Variants in PTPRD observed in about 807,000 individuals in gnomAD.
The protein encoded by PTPRD is protein tyrosine phosphatase receptor type D, also known as receptor-type tyrosine-protein phosphatase delta.
PTPRD carries 34 observed loss-of-function variants against 214.5 expected under a neutral mutation model. The observed-to-expected ratio is 0.16, with a 90% CI of 0.12 to 0.21. The LOEUF is 0.21. Ranked by LOEUF, PTPRD falls within the 10% of genes least tolerant of loss-of-function variation. PTPRD has a pLI of 1.00. For missense variants in PTPRD, 2,545 were observed against 2,398.7 expected, an observed-to-expected ratio of 1.06 and a Z score of -1.27; for synonymous variants, 1,128 against 845.7, an observed-to-expected ratio of 1.33 and a Z score of -5.79.
intron 11 of PTPRD, among the ~76,000 whole-genome samples, chr9:8,903,727 CA>C (rs1274311345): frequency 6.6e-6 from 1 of 152,112 alleles, no homozygotes; most frequent in Non-Finnish European, 1.5e-5. Context: ...GTAAAACTAA[CA>C]AACTGTTCTG....
At chr9:9,685,578 C>G (rs2097152429) in intron 7 of PTPRD, among the ~76,000 whole-genome samples, 1 of 150,930 alleles carries the variant, frequency 6.6e-6, no homozygotes, top group African/African-American at 2.4e-5. Context: ...TCTTAACAAC[C>G]AAATCAAAAT....
intron 14 of PTPRD, among the ~76,000 whole-genome samples, chr9:8,602,657 T>C (rs1233901865): frequency 1.3e-5 from 2 of 152,170 alleles, no homozygotes; most frequent in Non-Finnish European, 2.9e-5. Flanking sequence ...CTACAGACAA[T>C]CGTCAATAGA....
intron 10 of PTPRD, among the ~76,000 whole-genome samples, chr9:9,068,253 G>C (rs983058687): frequency 6.6e-6 from 1 of 152,068 alleles, no homozygotes; most frequent in African/African-American, 2.4e-5. Flanking sequence ...ACCCATTGAA[G>C]TGGACATCTG....
At chr9:10,127,382 T>C (rs899683584) in intron 3 of PTPRD, among the ~76,000 whole-genome samples, 2 of 152,240 alleles carry the variant, frequency 1.3e-5, no homozygotes, top group Non-Finnish European at 1.5e-5. Flanking sequence ...CACTTCATAA[T>C]TCTACAAATT....
chr9:9,917,694 C>T (rs548180703), intron 5 of PTPRD, among the ~76,000 whole-genome samples: 3 of 151,990 alleles, frequency 2.0e-5, no homozygotes, highest in African/African-American at 7.2e-5. Flanking sequence ...AAGTCTTAAA[C>T]AAAATACTAA....
At chr9:8,331,202 A>G (rs1011210988) in intron 44 of PTPRD, among the ~76,000 whole-genome samples, 1 of 152,018 alleles carries the variant, frequency 6.6e-6, no homozygotes, top group Non-Finnish European at 1.5e-5. Context: ...ATAGCTATTC[A>G]TGAGGTTTTC....
At position 10,470,778 on chromosome 9, in the gene PTPRD, T is replaced by C. The variant is rs2099025354; in HGVS notation, c.-599-129761A>G. On this transcript the variant is annotated intron_variant, in intron 2 of 45. Transcript: ENST00000381196. Reference sequence around the variant, plus strand: ...CTAGTAGAGAACCACTGGAATAGACTATCTTTAGTATCAGTTCTCAAAAGG... The same window carrying C: ...CTAGTAGAGAACCACTGGAATAGACCATCTTTAGTATCAGTTCTCAAAAGG... 2.0e-5 allele frequency among the ~76,000 whole-genome samples: 3 copies of C among 152,162 alleles called. No individual in the cohort carries two copies. The South Asian group carries it at 6.2e-4, about 32-fold the overall frequency.
chr9:8,329,799 G>GT (rs1363427905), intron 44 of PTPRD, among the ~76,000 whole-genome samples: 1 of 152,066 alleles, frequency 6.6e-6, no homozygotes, highest in Non-Finnish European at 1.5e-5. Context: ...TGCTGGCTTT[G>GT]TTTACACTGT....
chr9:9,639,765 T>G (rs2095877120), intron 7 of PTPRD, among the ~76,000 whole-genome samples: 1 of 152,226 alleles, frequency 6.6e-6, no homozygotes, highest in Non-Finnish European at 1.5e-5. Flanking sequence ...TCATGTGTTT[T>G]CAAGTATTAT....
chr9:9,539,574 C>T (rs639168), intron 8 of PTPRD, among the ~76,000 whole-genome samples: 24,167 of 151,702 alleles, frequency 0.16, 2,071 homozygotes, highest in African/African-American at 0.23. Flanking sequence ...TTTAGAAACA[C>T]GCTGTCTTTA....
chr9:9,810,007 A>C (rs1397200162), intron 5 of PTPRD, among the ~76,000 whole-genome samples: 1 of 151,884 alleles, frequency 6.6e-6, no homozygotes, highest in East Asian at 1.9e-4. Context: ...TTTCCAATAA[A>C]AGTTATACCA....
intron 7 of PTPRD, among the ~76,000 whole-genome samples, chr9:9,670,192 G>C (rs756308860): frequency 2.0e-5 from 3 of 152,088 alleles, no homozygotes; most frequent in African/African-American, 7.2e-5. Context: ...TAATGTAGAA[G>C]CAACAAGACC....
intron 11 of PTPRD, among the ~76,000 whole-genome samples, chr9:8,856,664 G>A (rs1432238247): frequency 6.6e-6 from 1 of 152,146 alleles, no homozygotes; most frequent in Non-Finnish European, 1.5e-5. Flanking sequence ...AGAAAACGGA[G>A]GAGACATTTG....
intron 14 of PTPRD, among the ~76,000 whole-genome samples, chr9:8,613,773 G>A (rs2095525417): frequency 6.6e-6 from 1 of 152,102 alleles, no homozygotes; most frequent in Non-Finnish European, 1.5e-5. Flanking sequence ...GTCCACAGAG[G>A]CAACCACCAG....
At chr9:9,954,002 G>C (rs564852176) in intron 4 of PTPRD, among the ~76,000 whole-genome samples, 2 of 151,890 alleles carry the variant, frequency 1.3e-5, no homozygotes, top group South Asian at 2.1e-4. Context: ...TAGGGCACTT[G>C]ATTGAAAGAG....
intron 3 of PTPRD, among the ~76,000 whole-genome samples, chr9:10,231,479 G>T (rs1594872581): frequency 6.6e-6 from 1 of 152,046 alleles, no homozygotes; most frequent in Non-Finnish European, 1.5e-5. Flanking sequence ...GGAAATTATT[G>T]TATAGTCTCT....
chr9:10,163,055 A>C (rs2099138769), intron 3 of PTPRD, among the ~76,000 whole-genome samples: 1 of 150,914 alleles, frequency 6.6e-6, no homozygotes, highest in South Asian at 2.1e-4. Flanking sequence ...ACACACAAAG[A>C]GGGGGAAAGA....
intron 9 of PTPRD, among the ~76,000 whole-genome samples, chr9:9,196,236 C>T (rs1489181723): frequency 2.0e-5 from 3 of 152,162 alleles, no homozygotes; most frequent in African/African-American, 7.2e-5. Flanking sequence ...AAGGTTTCTT[C>T]CTACTTCCTG....
At chr9:9,943,946 C>G (rs988400281) in intron 4 of PTPRD, among the ~76,000 whole-genome samples, 19 of 152,264 alleles carry the variant, frequency 1.2e-4, no homozygotes, top group African/African-American at 4.3e-4. Context: ...ATATATCTTC[C>G]TACATATTTC....
Sources: allele counts gnomAD v4.1 joint callset (sites outside exome capture counted in the v4.1 genomes callset), GRCh38; gene constraint gnomAD v4.1.1; transcripts MANE v1.5; gene names NCBI Gene and HGNC (gene_info 2026-07-23, HGNC 2026-07-21).